The following NFATC1 variants were observed in gnomAD, a reference collection of about 807,000 sequenced individuals.
The protein encoded by NFATC1 is nuclear factor of activated T-cells, cytoplasmic 1.
A neutral mutation model predicts 76.0 loss-of-function variants in NFATC1; 22 were observed. The ratio of observed to expected loss-of-function variants is 0.29; its 90% CI spans 0.21 to 0.41. The LOEUF (loss-of-function observed/expected upper bound fraction) is 0.41. NFATC1 is among the 10% of genes least tolerant of loss of function. NFATC1 has a pLI of 1.00. For missense variants in NFATC1, 1,357 were observed against 1,337.7 expected, an observed-to-expected ratio of 1.01 and a Z score of -0.23; for synonymous variants, 704 against 613.1, an observed-to-expected ratio of 1.15 and a Z score of -2.19.
intron 9 of NFATC1, among the ~76,000 whole-genome samples, chr18:79,487,666 C>T (rs1381544384): frequency 1.3e-5 from 2 of 152,222 alleles, no homozygotes; most frequent in African/African-American, 2.4e-5. Flanking sequence ...TGACCGAAGG[C>T]GCCGTGGCGT....
intron 3 of NFATC1, among the ~76,000 whole-genome samples, chr18:79,439,714 T>C (rs2086904418): frequency 6.6e-6 from 1 of 152,148 alleles, no homozygotes; most frequent in African/African-American, 2.4e-5. Context: ...AGAAGTGCAG[T>C]GTTGAAGCCC....
At position 79,411,515 on chromosome 18, in the gene NFATC1, G is replaced by A. The variant is rs1159010130; in HGVS notation, c.1226+14G>A. 18 of 1,459,542 alleles carry A rather than the reference G, an allele frequency of 1.2e-5. No individual in the cohort carries two copies. The highest frequency in any genetic ancestry group is 1.8e-4 in the Middle Eastern group (1 of 5,498). The allele number at this position is 1,459,542 out of a possible 1,614,324, so 90.4% of individuals were successfully genotyped here. On this transcript the variant is annotated intron_variant, in intron 2 of 9. Transcript: ENST00000427363. ...GTCCTACATGAGGTGAGCCGGCAGC[G>A]CGGGGCGGGACGGGGAGGCGAGGGG... is the stretch of plus-strand genomic sequence containing the variant.
At chr18:79,520,734 A>G (rs1189485406) in intron 9 of NFATC1, among the ~76,000 whole-genome samples, 2 of 45,966 alleles carry the variant, frequency 4.4e-5, no homozygotes, top group South Asian at 1.2e-3. Context: ...GCATCCACTG[A>G]TGTGTGTGTC....
At chr18:79,401,902 C>T (rs1022024889) in intron 1 of NFATC1, among the ~76,000 whole-genome samples, 1 of 152,210 alleles carries the variant, frequency 6.6e-6, no homozygotes, top group Non-Finnish European at 1.5e-5. Context: ...GCCCAGGGGG[C>T]CTGCAGGACA....
At chr18:79,487,427 T>C (rs9944870) in intron 9 of NFATC1, among the ~76,000 whole-genome samples, 14,501 of 152,282 alleles carry the variant, frequency 0.095, 2,238 homozygotes, top group African/African-American at 0.33. Context: ...CTAAATGCAG[T>C]GGCGGCCTTG....
At chr18:79,496,044 C>G (rs936939267) in intron 9 of NFATC1, 4 of 152,426 alleles carry the variant, frequency 2.6e-5, no homozygotes, top group Admixed American at 6.5e-5. Flanking sequence ...CGCGGGTAAG[C>G]CGTGAACAGT....
At chr18:79,399,909 G>A (rs1015844566) in intron 1 of NFATC1, among the ~76,000 whole-genome samples, 1 of 152,194 alleles carries the variant, frequency 6.6e-6, no homozygotes, top group African/African-American at 2.4e-5. Flanking sequence ...GCGCGCACGT[G>A]GCGCTCGGGG....
chr18:79,429,653 CT>C (rs1435166202), intron 2 of NFATC1, among the ~76,000 whole-genome samples: 8 of 152,212 alleles, frequency 5.3e-5, no homozygotes, highest in African/African-American at 1.9e-4. Flanking sequence ...TCCTTTCCCG[CT>C]CATTTGGGCT....
intron 1 of NFATC1, chr18:79,400,324 G>A: frequency 7.6e-7 from 1 of 1,320,616 alleles, no homozygotes; most frequent in Non-Finnish European, 9.7e-7. Context: ...CGCGCGGGCA[G>A]CGCCGGGAGA....
At chr18:79,466,119 C>G (rs770570032) in intron 7 of NFATC1, among the ~76,000 whole-genome samples, 1 of 152,224 alleles carries the variant, frequency 6.6e-6, no homozygotes, top group Non-Finnish European at 1.5e-5. Context: ...GGCCCCTCTG[C>G]ATGGGTGTCT....
chr18:79,479,291 G>A (rs1458560004), intron 8 of NFATC1, among the ~76,000 whole-genome samples: 1 of 152,256 alleles, frequency 6.6e-6, no homozygotes, highest in African/African-American at 2.4e-5. Context: ...CCTGGTGCAG[G>A]GTGAGCCCGG....
chr18:79,439,595 G>A (rs2086900104), intron 3 of NFATC1, among the ~76,000 whole-genome samples: 1 of 152,236 alleles, frequency 6.6e-6, no homozygotes, highest in African/African-American at 2.4e-5. Context: ...TAAACGCACA[G>A]GGAATTTCCT....
At chr18:79,509,100 G>A (rs190802177) in intron 9 of NFATC1, among the ~76,000 whole-genome samples, 6 of 152,352 alleles carry the variant, frequency 3.9e-5, no homozygotes, top group South Asian at 4.1e-4. Flanking sequence ...GGAAGGAAAC[G>A]CCATTGCTGG....
At position 79,411,338 on chromosome 18, in the gene NFATC1, G is replaced by A; in HGVS notation, c.1063G>A (p.Glu355Lys). 1 of 1,599,486 alleles carries A rather than the reference G, an allele frequency of 6.3e-7. No individual in the cohort carries two copies. The highest frequency in any genetic ancestry group is 1.7e-4 in the Middle Eastern group (1 of 6,016). Residue 355 changes from glutamate to lysine, a missense_variant, in exon 2 of 10, where the codon GAG becomes AAG. Glu to Lys is a moderately conservative substitution (Grantham distance 56, BLOSUM62 1). Transcript: ENST00000427363. ...SVALKVEPVG[E>K]DLGSPPPPAD... The stretch of plus-strand genomic sequence containing the variant: ...GGCGCTCAAGGTGGAGCCCGTCGGG[G>A]AGGACCTGGGCAGCCCCCCGCCCCC...
At chr18:79,404,354 T>G (rs2085364000) in intron 1 of NFATC1, among the ~76,000 whole-genome samples, 1 of 152,226 alleles carries the variant, frequency 6.6e-6, no homozygotes, top group African/African-American at 2.4e-5. Flanking sequence ...GGGAACGGCG[T>G]CTGGGAAGCT....
chr18:79,400,116 C>A (rs913693132), intron 1 of NFATC1, among the ~76,000 whole-genome samples: 1 of 151,372 alleles, frequency 6.6e-6, no homozygotes, highest in Non-Finnish European at 1.5e-5. Context: ...GGCCGGGGGA[C>A]CCCTGCGGTC....
Position 79,410,101 on chromosome 18 carries a change from C to A in NFATC1, c.128-302C>A, listed in dbSNP as rs1399651386. On this transcript the variant is annotated intron_variant, in intron 1 of 9. Transcript: ENST00000427363. This position sits in a 1 kb window ranked among gnomAD's most constrained non-coding sequence, Gnocchi z 6.7. ...GGTGGTTTTTGAATGAAGAGCGGAA[C>A]CCGTGAGGACCCGGCCGCCTCTCCC... 1.4e-6 allele frequency: 1 copy of A among 714,508 alleles called. No individual in the cohort carries two copies. The highest frequency in any genetic ancestry group is 1.7e-5 in the African/African-American group (1 of 58,042). The allele number at this position is 714,508 out of a possible 1,614,324, so 44.3% of individuals were successfully genotyped here. A position where few individuals can be genotyped will look rare whatever the true frequency, so the allele number is the denominator to read the frequency against.
intron 7 of NFATC1, among the ~76,000 whole-genome samples, chr18:79,466,770 C>T (rs577826800): frequency 2.0e-5 from 3 of 152,334 alleles, no homozygotes; most frequent in East Asian, 3.9e-4. Flanking sequence ...CCTCGGCCAT[C>T]GTCAAATGTG....
rs1226527161 is a variant in NFATC1, at chr18:79,482,806, TCAGCGTGACCTGGTCCGGGGGTGTAATTC to T, written c.2093-3425_2093-3397del. On this transcript the variant is annotated intron_variant, in intron 8 of 9. Transcript: ENST00000427363. ...CGTGACCTGGTCCTGGGGTGTCACT[TCAGCGTGACCTGGTCCGGGGGTGTAATTC>T]CAGCGTGACCTGGTCCTGGGGTGTA... 3.4e-3 allele frequency among the ~76,000 whole-genome samples: 281 copies of T among 82,826 alleles called. 2 individuals are homozygous for T. Among genetic ancestry groups the T allele is most frequent in the South Asian group, 5.7e-3 (13 of 2,290 alleles). The allele number at this position is 82,826 out of a possible 152,430, so 54.3% of individuals were successfully genotyped here. A position where few individuals can be genotyped will look rare whatever the true frequency, so the allele number is the denominator to read the frequency against.
Sources: allele counts gnomAD v4.1 joint callset (sites outside exome capture counted in the v4.1 genomes callset), GRCh38; gene constraint gnomAD v4.1.1; non-coding constraint Gnocchi (gnomAD v3.1); transcripts MANE v1.5; gene names NCBI Gene and HGNC (gene_info 2026-07-23, HGNC 2026-07-21).